ST6GALNAC2: variants seen among roughly 807,000 people sequenced by gnomAD.
The protein encoded by ST6GALNAC2 is ST6 N-acetylgalactosaminide alpha-2,6-sialyltransferase 2.
A neutral mutation model predicts 38.7 loss-of-function variants in ST6GALNAC2; 42 were observed. The observed-to-expected ratio is 1.09, with a 90% confidence interval of 0.85 to 1.40. The LOEUF (loss-of-function observed/expected upper bound fraction) is 1.40. ST6GALNAC2 is among the 40% of genes most tolerant of loss of function. ST6GALNAC2 has a pLI of 0.00. For synonymous variants in ST6GALNAC2, 233 were observed against 209.0 expected, an observed-to-expected ratio of 1.11 and a Z score of -0.99; for missense variants, 506 against 481.7, an observed-to-expected ratio of 1.05 and a Z score of -0.47.
At chr17:76,569,429 C>T (rs1402085122) in intron 6 of ST6GALNAC2, 10 of 296,358 alleles carry the variant, frequency 3.4e-5, no homozygotes, top group Non-Finnish European at 5.4e-5. Flanking sequence ...CCGCGGGGCA[C>T]GTGTTGGACC....
chr17:76,584,339 G>T (rs10852772), intron 1 of ST6GALNAC2, among the ~76,000 whole-genome samples: 1 of 151,730 alleles, frequency 6.6e-6, no homozygotes, highest in African/African-American at 2.4e-5. Flanking sequence ...GGAAGCACAG[G>T]CATGCACCAC....
At chr17:76,576,292 A>G (rs1286913697) in intron 2 of ST6GALNAC2, among the ~76,000 whole-genome samples, 1 of 152,206 alleles carries the variant, frequency 6.6e-6, no homozygotes, top group Non-Finnish European at 1.5e-5. Flanking sequence ...CGGGCCTATG[A>G]GAACATGGGA....
intron 1 of ST6GALNAC2, among the ~76,000 whole-genome samples, chr17:76,584,021 GTGAAAGCC>G (rs1158265174): frequency 0.75 from 108,692 of 145,154 alleles, 41,179 homozygotes; most frequent in East Asian, 0.84. Flanking sequence ...TGTTAGCCAG[GTGAAAGCC>G]AGGTCAGGAG....
intron 1 of ST6GALNAC2, among the ~76,000 whole-genome samples, chr17:76,583,001 T>A (rs945069850): frequency 6.6e-6 from 1 of 152,244 alleles, no homozygotes; most frequent in African/African-American, 2.4e-5. Flanking sequence ...CATTGTTGCA[T>A]TATAATAGAA....
chr17:76,568,956 C>T, intron 6 of ST6GALNAC2, 160 bp from the exon 7 acceptor site: 1 of 653,090 alleles, frequency 1.5e-6, no homozygotes, highest in Admixed American at 2.5e-5. Flanking sequence ...AGGTGGCAGG[C>T]AGTACGTTGG....
chr17:76,570,631 T>C lies in ST6GALNAC2; in HGVS notation c.707A>G (p.Asp236Gly). The change falls in exon 6 of 9, where the codon GAC becomes GGC. Residue 236 changes from aspartate to glycine, a missense_variant. Physicochemically the swap from Asp to Gly is moderately conservative, Grantham distance 94. Coordinates refer to ENST00000225276, the MANE Select transcript of ST6GALNAC2 (RefSeq NM_006456.3). Reference protein sequence around the residue: ...QYIFIPSDIRDYVMLRSAILG... With the variant: ...QYIFIPSDIRGYVMLRSAILG... ...AATGGCCGATCTCAGCATCACATAG[T>C]CGCGGATGTCTGAGGGGATGAAGAT... The C allele has an allele frequency of 5.6e-6, 9 of 1,613,146 alleles. No individual in the cohort carries two copies. Among genetic ancestry groups the C allele is most frequent in the Non-Finnish European group, 7.6e-6 (9 of 1,179,756 alleles).
rs992149349 is a variant in ST6GALNAC2, at chr17:76,573,028, G to A, written c.530+167C>T. Among the ~76,000 whole-genome samples, 36 of 152,122 alleles carry A rather than the reference G, an allele frequency of 2.4e-4. No individual in the cohort carries two copies. Among genetic ancestry groups the A allele is most frequent in the African/African-American group, 6.3e-4 (26 of 41,408 alleles). On this transcript the variant is annotated intron_variant, in intron 4 of 8. Coordinates refer to ENST00000225276, the MANE Select transcript of ST6GALNAC2 (RefSeq NM_006456.3). This position sits in a 1 kb window ranked among gnomAD's most constrained non-coding sequence, Gnocchi z 5.1. ...TCCCCTGCATGGGCACCCATGCTCC[G>A]TCCTCAGGGCCTACTGTTTGTTTTT...
At position 76,573,159 on chromosome 17, in the gene ST6GALNAC2, T is replaced by TGCCGCCCC; in HGVS notation, c.530+35_530+36insGGGGCGGC. On this transcript the variant is annotated intron_variant, in intron 4 of 8. Coordinates refer to ENST00000225276, the MANE Select transcript of ST6GALNAC2 (RefSeq NM_006456.3). The surrounding 1 kb of genome is among the most constrained non-coding windows in gnomAD (Gnocchi z 5.1). ...GACACCCCCACCCTCCAGGCAACTCTCCCTCCCGCCCCTCCCCAGCTCCTA... is the reference window on the plus strand; with the variant it reads ...GACACCCCCACCCTCCAGGCAACTCTGCCGCCCCCCCTCCCGCCCCTCCCCAGCTCCTA... 6.5e-7 allele frequency: 1 copy of TGCCGCCCC among 1,530,322 alleles called. No individual in the cohort carries two copies. Among genetic ancestry groups the TGCCGCCCC allele is most frequent in the Non-Finnish European group, 8.9e-7 (1 of 1,120,830 alleles). 94.8% of individuals were successfully genotyped at this position (1,530,322 alleles called of 1,614,324 possible).
rs749808187 is a variant in ST6GALNAC2, at chr17:76,570,686, A to G, written c.670-18T>C. 48 of 1,586,888 alleles carry G rather than the reference A, an allele frequency of 3.0e-5. No homozygotes were observed. Among genetic ancestry groups the G allele is most frequent in the African/African-American group, 5.4e-5 (4 of 74,530 alleles). On this transcript the variant is annotated intron_variant, in intron 5 of 8. Coordinates refer to ENST00000225276, the MANE Select transcript of ST6GALNAC2 (RefSeq NM_006456.3). ...TGCAGGTCCTGTCAGAATAGAGACA[A>G]TGAGCCCAGAGGGGAACCAGGACAT...
At chr17:76,576,758 T>C (rs1437927179) in intron 2 of ST6GALNAC2, among the ~76,000 whole-genome samples, 5 of 152,070 alleles carry the variant, frequency 3.3e-5, no homozygotes, top group Non-Finnish European at 7.3e-5. Context: ...ATCACCTAAG[T>C]TCAGGGGTTT....
rs751149083 is a variant in ST6GALNAC2, at chr17:76,566,161, T to C, written c.1068A>G (p.Glu356=). 7 of 1,614,144 alleles carry C rather than the reference T, an allele frequency of 4.3e-6. No individual in the cohort carries two copies. The highest frequency in any genetic ancestry group is 3.4e-6 in the Non-Finnish European group (4 of 1,180,028). ...IFYANHDLSL[E]AALWRDLHKA... The stretch of plus-strand genomic sequence containing the variant: ...TGTGCAGGTCCCTCCACAGGGCAGC[T>C]TCCAGGGACAGATCGTGGTTTGCAT... The change falls in exon 9 of 9, where the codon GAA becomes GAG. Residue 356 remains glutamate (E), a synonymous_variant. Coordinates refer to ENST00000225276, the MANE Select transcript of ST6GALNAC2 (RefSeq NM_006456.3).
intron 5 of ST6GALNAC2, among the ~76,000 whole-genome samples, chr17:76,572,056 G>C (rs144960754): frequency 5.3e-5 from 8 of 152,096 alleles, no homozygotes; most frequent in African/African-American, 1.7e-4. Context: ...GAGGGTCCTA[G>C]ATCTAGATGG....
Position 76,574,534 on chromosome 17 carries a change from CTGG to C in ST6GALNAC2, c.189_191del (p.Gln64del), listed in dbSNP as rs748794984. 8.1e-6 allele frequency: 11 copies of C among 1,356,694 alleles called. No individual in the cohort carries two copies. The South Asian group carries it at 1.3e-4, about 15-fold the overall frequency. 84.0% of individuals were successfully genotyped at this position (1,356,694 alleles called of 1,614,324 possible). ...CCAGGTGAAGCAGGTGTCGGCAGGC[CTGG>C]CCCTGTGGGTGAGAAGGTGAGGGCT... On this transcript the variant is annotated inframe_deletion and splice_region_variant, in exon 3 of 9. Transcript: ENST00000225276.
chr17:76,577,141 A>G (rs1392778004), intron 2 of ST6GALNAC2, among the ~76,000 whole-genome samples: 2 of 146,892 alleles, frequency 1.4e-5, no homozygotes, highest in Admixed American at 6.9e-5. Flanking sequence ...ATCTCAGCTA[A>G]CTGCAACCTC....
chr17:76,583,840 G>C (rs1466087999), intron 1 of ST6GALNAC2, among the ~76,000 whole-genome samples: 10 of 142,924 alleles, frequency 7.0e-5, no homozygotes, highest in South Asian at 6.6e-4. Flanking sequence ...ATGGAGTCTC[G>C]CTCTGTCACC....
chr17:76,568,045 CTG>C (rs1435595438), intron 7 of ST6GALNAC2: 1 of 167,092 alleles, frequency 6.0e-6, no homozygotes, highest in East Asian at 1.7e-4. Context: ...CTGTCTTCCT[CTG>C]TAGCACGGGA....
In ST6GALNAC2 at chr17:76,582,798, C is replaced by T. The variant is rs569159121; in HGVS notation, c.125+2886G>A. On this transcript the variant is annotated intron_variant, in intron 1 of 8. Coordinates refer to ENST00000225276, the MANE Select transcript of ST6GALNAC2 (RefSeq NM_006456.3). ...TGGGGAAGCTCATGTGGCCTGCCGG[C>T]TCTGCCCAGAATGCCGTCCACCTCC... Among the ~76,000 whole-genome samples the T allele has an allele frequency of 3.9e-5, 6 of 152,272 alleles. No individual in the cohort carries two copies. In the East Asian group the frequency reaches 1.2e-3, roughly 30 times the overall value.
At position 76,566,225 on chromosome 17, in the gene ST6GALNAC2, T is replaced by C. The variant is rs200450600; in HGVS notation, c.1004A>G (p.Asp335Gly). ...FITSNYWKFS[D>G]HYFERKMKPL... ...CTTCATTTTTCGTTCGAAATAGTGG[T>C]CGGAAAATTTCCAGTAGTTGCTTGT... The change falls in exon 9 of 9, where the codon GAC (aspartate) becomes GGC (glycine). Residue 335 changes from aspartate (D) to glycine (G), a missense_variant. Coordinates refer to ENST00000225276, the MANE Select transcript of ST6GALNAC2 (RefSeq NM_006456.3). 1 of 1,614,160 alleles carries C rather than the reference T, an allele frequency of 6.2e-7. No individual in the cohort carries two copies. The highest frequency in any genetic ancestry group is 8.5e-7 in the Non-Finnish European group (1 of 1,180,038).
At chr17:76,581,508 C>G (rs969288064) in intron 1 of ST6GALNAC2, among the ~76,000 whole-genome samples, 1 of 152,058 alleles carries the variant, frequency 6.6e-6, no homozygotes, top group South Asian at 2.1e-4. Context: ...GGAGGAGCTG[C>G]GGGACAGGGC....
Sources: gnomAD v4.1 joint callset for allele counts (sites outside exome capture counted in the v4.1 genomes callset) on GRCh38, gnomAD v4.1.1 for gene constraint, Gnocchi (gnomAD v3.1) non-coding constraint, MANE v1.5 for transcripts, NCBI Gene and HGNC (gene_info 2026-07-23, HGNC 2026-07-21) for gene names.